The following CSMD1 variants were observed in gnomAD, a reference collection of about 807,000 sequenced individuals.
CSMD1 encodes the protein CUB and sushi domain-containing protein 1.
CSMD1 carries 213 observed loss-of-function variants against 417.5 expected under a neutral mutation model. The observed-to-expected ratio is 0.51, with a 90% CI of 0.46 to 0.57. The LOEUF is 0.57. Among genes scored for constraint, CSMD1 ranks in the 20% least tolerant of loss-of-function variants. The probability of loss-of-function intolerance (pLI) is 0.00; values close to 1 mark genes in which losing one functional copy is unlikely to be tolerated. For synonymous variants in CSMD1, 2,862 were observed against 1,736.8 expected, an observed-to-expected ratio of 1.65 and a Z score of -16.11; for missense variants, 6,923 against 4,529.7, an observed-to-expected ratio of 1.53 and a Z score of -15.17.
intron 1 of CSMD1, among the ~76,000 whole-genome samples, chr8:4,731,532 G>C (rs923471480): frequency 3.3e-5 from 5 of 152,092 alleles, no homozygotes; most frequent in African/African-American, 1.2e-4. Context: ...TTATCTATTT[G>C]TTCTTTTGTT....
chr8:3,905,096 A>C (rs1451845339), intron 5 of CSMD1, among the ~76,000 whole-genome samples: 2 of 152,142 alleles, frequency 1.3e-5, no homozygotes, highest in South Asian at 4.2e-4. Flanking sequence ...GTCTGTAGGG[A>C]AACTGAGGCA....
At chr8:3,918,956 A>G (rs987673720) in intron 5 of CSMD1, among the ~76,000 whole-genome samples, 5 of 152,060 alleles carry the variant, frequency 3.3e-5, no homozygotes, top group Non-Finnish European at 7.4e-5. Context: ...GGGTACATCA[A>G]AATCTCACAA....
rs528231845 is a variant in CSMD1, at chr8:4,086,048, T to C, written c.416-53949A>G. Reference sequence around the variant, plus strand: ...GGTCCTGTTTTCAACAAAAAATAGATGCAATCAAGTATCAACAAACGTATT... The same window carrying C: ...GGTCCTGTTTTCAACAAAAAATAGACGCAATCAAGTATCAACAAACGTATT... On this transcript the variant is annotated intron_variant, in intron 3 of 69. Transcript: ENST00000635120. Among the ~76,000 whole-genome samples the C allele has an allele frequency of 2.5e-3, 382 of 152,334 alleles. 1 individual carries two copies. The highest frequency in any genetic ancestry group is 8.9e-3 in the African/African-American group (371 of 41,578).
chr8:3,818,604 G>C (rs572284839), intron 5 of CSMD1, among the ~76,000 whole-genome samples: 2 of 151,950 alleles, frequency 1.3e-5, no homozygotes, highest in East Asian at 1.9e-4. Flanking sequence ...TGCTAGAAAA[G>C]GGAGAAACAG....
intron 3 of CSMD1, among the ~76,000 whole-genome samples, chr8:4,350,687 C>A (rs1258140103): frequency 6.6e-6 from 1 of 152,226 alleles, no homozygotes; most frequent in Non-Finnish European, 1.5e-5. Context: ...TTTTTCATCA[C>A]TGATGTCAAG....
chr8:4,857,683 G>C (rs1010490234), intron 1 of CSMD1, among the ~76,000 whole-genome samples: 3 of 151,720 alleles, frequency 2.0e-5, no homozygotes, highest in African/African-American at 4.8e-5. Context: ...ATAAATTCCT[G>C]GACACATACA....
intron 1 of CSMD1, among the ~76,000 whole-genome samples, chr8:4,777,606 C>T (rs561080932): frequency 5.3e-5 from 8 of 152,090 alleles, no homozygotes. Context: ...ATGTACATAC[C>T]CTTTGATTGT....
At position 4,396,846 on chromosome 8, in the gene CSMD1, A is replaced by G. The variant is rs150543436; in HGVS notation, c.415+23107T>C. Among the ~76,000 whole-genome samples, 1,159 of 152,224 alleles carry G rather than the reference A, an allele frequency of 7.6e-3. 7 individuals carry two copies. The highest frequency in any genetic ancestry group is 9.8e-3 in the Non-Finnish European group (664 of 68,012). ...AGCTAAGCTATGAGCATGAAAAGGC[A>G]TAAGAATGATACAACAACTTTCAGG... is the stretch of plus-strand genomic sequence containing the variant. On this transcript the variant is annotated intron_variant, in intron 3 of 69. Transcript: ENST00000635120.
chr8:3,177,907 T>C (rs540378144), intron 37 of CSMD1, among the ~76,000 whole-genome samples: 5 of 152,346 alleles, frequency 3.3e-5, no homozygotes, highest in Non-Finnish European at 7.3e-5. Context: ...CTTGGTTTCA[T>C]TGGTTTTCTT....
At chr8:4,220,030 A>T (rs549277980) in intron 3 of CSMD1, among the ~76,000 whole-genome samples, 1 of 152,062 alleles carries the variant, frequency 6.6e-6, no homozygotes, top group East Asian at 1.9e-4. Flanking sequence ...GCTGACTACA[A>T]CCTCTGCCTC....
intron 49 of CSMD1, among the ~76,000 whole-genome samples, chr8:3,054,309 G>A (rs536492245): frequency 9.8e-5 from 15 of 152,292 alleles, no homozygotes; most frequent in African/African-American, 2.9e-4. Flanking sequence ...GGATGATCAG[G>A]TACTGCAACC....
chr8:3,529,242 C>G (rs1330308868), intron 10 of CSMD1, among the ~76,000 whole-genome samples: 6 of 152,174 alleles, frequency 3.9e-5, no homozygotes, highest in African/African-American at 1.4e-4. Context: ...ATGCCAGTAG[C>G]TCATATTTCA....
intron 1 of CSMD1, among the ~76,000 whole-genome samples, chr8:4,672,760 C>G (rs944157336): frequency 6.6e-6 from 1 of 151,780 alleles, no homozygotes; most frequent in East Asian, 1.9e-4. Context: ...CATACCCAGT[C>G]ACATGCATAC....
At chr8:2,963,115 AT>A in intron 60 of CSMD1, 106 bp downstream of exon 60, 1 of 1,242,966 alleles carries the variant, frequency 8.0e-7, no homozygotes, top group Non-Finnish European at 1.1e-6. Flanking sequence ...TAGGGCTATT[AT>A]TACCCACCAG....
chr8:3,861,533 T>C (rs978280617), intron 5 of CSMD1, among the ~76,000 whole-genome samples: 8 of 152,092 alleles, frequency 5.3e-5, no homozygotes, highest in African/African-American at 1.7e-4. Flanking sequence ...CTTGGGAGAA[T>C]TCTGGGATTT....
intron 3 of CSMD1, among the ~76,000 whole-genome samples, chr8:4,338,484 C>G (rs565656096): frequency 1.8e-4 from 28 of 152,250 alleles, no homozygotes; most frequent in African/African-American, 6.7e-4. Flanking sequence ...CATGGCAAAT[C>G]TACCTCGGGA....
At chr8:3,982,345 T>A (rs902531262) in intron 5 of CSMD1, among the ~76,000 whole-genome samples, 1 of 151,818 alleles carries the variant, frequency 6.6e-6, no homozygotes, top group African/African-American at 2.4e-5. Flanking sequence ...TATTCTCACC[T>A]GCAAAATGAG....
intron 3 of CSMD1, among the ~76,000 whole-genome samples, chr8:4,393,126 C>T (rs547516055): frequency 1.1e-3 from 172 of 152,126 alleles, no homozygotes; most frequent in Non-Finnish European, 2.1e-3. Flanking sequence ...CAGGCGTGTG[C>T]CACCACGCCC....
chr8:3,029,003 C>G (rs1421391894), intron 51 of CSMD1, among the ~76,000 whole-genome samples: 1 of 152,170 alleles, frequency 6.6e-6, no homozygotes, highest in African/African-American at 2.4e-5. Flanking sequence ...CTTGAATAGT[C>G]TGTCTATGGC....
Sources: allele counts gnomAD v4.1 joint callset (sites outside exome capture counted in the v4.1 genomes callset), GRCh38; gene constraint gnomAD v4.1.1; transcripts MANE v1.5; gene names NCBI Gene and HGNC (gene_info 2026-07-23, HGNC 2026-07-21).